The following CCNY variants were observed in gnomAD, a reference collection of about 807,000 sequenced individuals.
CCNY encodes cyclin Y, also known as cyclin-Y.
A neutral mutation model predicts 42.8 loss-of-function variants in CCNY; 19 were observed. The ratio of observed to expected loss-of-function variants is 0.44; its 90% CI spans 0.31 to 0.65. CCNY has a LOEUF of 0.65. CCNY is among the 30% of genes least tolerant of loss of function. The pLI, the probability that CCNY is intolerant of heterozygous loss-of-function variation, is 0.07. For synonymous variants in CCNY, 165 were observed against 162.7 expected, an observed-to-expected ratio of 1.01 and a Z score of -0.11; for missense variants, 370 against 437.3, an observed-to-expected ratio of 0.85 and a Z score of 1.37.
chr10:35,367,636 T>G (rs866352483), intron 1 of CCNY, among the ~76,000 whole-genome samples: 1 of 152,218 alleles, frequency 6.6e-6, no homozygotes, highest in Non-Finnish European at 1.5e-5. Flanking sequence ...GCTTCCGCCA[T>G]AGAAGTCACT....
intron 1 of CCNY, among the ~76,000 whole-genome samples, chr10:35,370,747 G>A (rs778377002): frequency 1.5e-4 from 23 of 150,800 alleles, no homozygotes; most frequent in Non-Finnish European, 2.8e-4. Context: ...ATGGAGTCTC[G>A]CACTTTCGCC....
At chr10:35,298,162 C>T (rs893217133) in intron 3 of CCNY, among the ~76,000 whole-genome samples, 5 of 152,172 alleles carry the variant, frequency 3.3e-5, no homozygotes, top group Admixed American at 6.5e-5. Flanking sequence ...ACCAATGGAA[C>T]AGAAATTTGT....
intron 1 of CCNY, among the ~76,000 whole-genome samples, chr10:35,439,669 C>T (rs572823300): frequency 6.6e-6 from 1 of 150,940 alleles, no homozygotes; most frequent in African/African-American, 2.4e-5. Flanking sequence ...TTCTTCATTT[C>T]GTACAGCTTG....
intron 3 of CCNY, among the ~76,000 whole-genome samples, chr10:35,253,358 T>A (rs1247157097): frequency 6.7e-6 from 1 of 150,356 alleles, no homozygotes; most frequent in Non-Finnish European, 1.5e-5. Context: ...CAAGCGAGCC[T>A]CCTACCCTAG....
At chr10:35,255,832 C>T (rs926434069) in intron 3 of CCNY, among the ~76,000 whole-genome samples, 7 of 152,022 alleles carry the variant, frequency 4.6e-5, no homozygotes, top group Admixed American at 1.3e-4. Flanking sequence ...TGGGCTCAAG[C>T]GATTTGACCA....
chr10:35,473,207 C>T (rs1017052886), intron 1 of CCNY, among the ~76,000 whole-genome samples: 1 of 152,128 alleles, frequency 6.6e-6, no homozygotes, highest in Non-Finnish European at 1.5e-5. Flanking sequence ...TAGGATAAAC[C>T]AGGCCGTACA....
In CCNY at chr10:35,363,099, C is replaced by T. The variant is rs565668698; in HGVS notation, c.154+25892C>T. 2.1e-3 allele frequency among the ~76,000 whole-genome samples: 319 copies of T among 151,268 alleles called. 1 individual carries two copies. The highest frequency in any genetic ancestry group is 7.2e-3 in the African/African-American group (296 of 41,186). ...CGCCGGGCAGAGGCGCTCCTCACTT[C>T]CCAGCTTGTGAGGTGGCCGGCAGAG... On this transcript the variant is annotated intron_variant, in intron 1 of 9. Transcript: ENST00000374704.
intron 1 of CCNY, among the ~76,000 whole-genome samples, chr10:35,348,381 C>T (rs1436936752): frequency 6.6e-6 from 1 of 152,222 alleles, no homozygotes; most frequent in African/African-American, 2.4e-5. Context: ...AGGGGTCCAT[C>T]TGAGGGCTGC....
intron 3 of CCNY, among the ~76,000 whole-genome samples, chr10:35,295,748 T>A (rs1048636641): frequency 1.3e-5 from 2 of 152,186 alleles, no homozygotes; most frequent in Non-Finnish European, 2.9e-5. Context: ...TATTTGTCCT[T>A]TTGTGTCTGG....
intron 1 of CCNY, among the ~76,000 whole-genome samples, chr10:35,386,529 CATTATAAAAAT>C (rs2135202034): frequency 6.6e-6 from 1 of 152,254 alleles, no homozygotes; most frequent in South Asian, 2.1e-4. Flanking sequence ...TGTCAGTTTC[CATTATAAAAAT>C]ACTATACTTT....
chr10:35,339,075 T>C (rs1206426443), intron 1 of CCNY, among the ~76,000 whole-genome samples: 2 of 152,200 alleles, frequency 1.3e-5, no homozygotes, highest in African/African-American at 4.8e-5. Flanking sequence ...AGGTTTCCAA[T>C]CTAGGCTGTG....
At chr10:35,293,312 T>C (rs1157306559) in intron 3 of CCNY, among the ~76,000 whole-genome samples, 2 of 152,218 alleles carry the variant, frequency 1.3e-5, no homozygotes, top group African/African-American at 4.8e-5. Flanking sequence ...ATTTCTGAAC[T>C]CTCAGGACAG....
At chr10:35,500,728 G>C (rs990381777) in intron 2 of CCNY, among the ~76,000 whole-genome samples, 1 of 152,208 alleles carries the variant, frequency 6.6e-6, no homozygotes, top group Non-Finnish European at 1.5e-5. Context: ...CAAGCTCTTC[G>C]TGTTCCCTGT....
chr10:35,538,063 C>G (rs576333614), intron 7 of CCNY, among the ~76,000 whole-genome samples: 7 of 152,102 alleles, frequency 4.6e-5, no homozygotes, highest in Admixed American at 4.6e-4. Context: ...ATAAGTCTTA[C>G]GAGATCTGAT....
rs182497213 is a variant in CCNY at position 35,374,759 on chromosome 10, A to T, written c.154+37552A>T. Among the ~76,000 whole-genome samples, 7 of 152,356 alleles carry T rather than the reference A, an allele frequency of 4.6e-5. No homozygotes were observed. The East Asian group carries it at 1.3e-3, about 29-fold the overall frequency. ...AGAGATTCTAATATACGTGTCTCTG[A>T]AAAGTAGCTACATATGTTAAAGATA... On this transcript the variant is annotated intron_variant, in intron 1 of 9. Transcript: ENST00000374704.
In CCNY at chr10:35,430,914, C is replaced by T. The variant is rs540826862; in HGVS notation, c.155-52490C>T. On this transcript the variant is annotated intron_variant, in intron 1 of 9. Transcript: ENST00000374704. Reference sequence around the variant, plus strand: ...CGGGTGGATCACAAGGTCAAGAGATCGAGACCATCCTGGCCAACATGGTGA... The same window carrying T: ...CGGGTGGATCACAAGGTCAAGAGATTGAGACCATCCTGGCCAACATGGTGA... 3.9e-5 allele frequency among the ~76,000 whole-genome samples: 6 copies of T among 152,096 alleles called. No homozygotes were observed. In the South Asian group the frequency reaches 1.2e-3, roughly 32 times the overall value.
intron 3 of CCNY, among the ~76,000 whole-genome samples, chr10:35,276,529 G>A (rs529682446): frequency 2.6e-5 from 4 of 152,218 alleles, no homozygotes; most frequent in Admixed American, 1.3e-4. Context: ...GGGACAACAG[G>A]CGTGCATCAC....
At chr10:35,542,771 T>C (rs563878231) in intron 7 of CCNY, among the ~76,000 whole-genome samples, 1 of 152,350 alleles carries the variant, frequency 6.6e-6, no homozygotes, top group East Asian at 1.9e-4. Flanking sequence ...AGACTTCCTT[T>C]ATGGGTCACT....
At chr10:35,399,145 A>G (rs1837588856) in intron 1 of CCNY, among the ~76,000 whole-genome samples, 1 of 152,254 alleles carries the variant, frequency 6.6e-6, no homozygotes, top group African/African-American at 2.4e-5. Flanking sequence ...CACATTTTAT[A>G]AAGTTCCTGC....
Sources: allele counts gnomAD v4.1 joint callset (sites outside exome capture counted in the v4.1 genomes callset), GRCh38; gene constraint gnomAD v4.1.1; transcripts MANE v1.5; gene names NCBI Gene and HGNC (gene_info 2026-07-23, HGNC 2026-07-21).